The following ITFG2 variants were observed in gnomAD, a reference collection of about 807,000 sequenced individuals.
ITFG2 encodes KICSTOR complex protein ITFG2.
In ITFG2, 36 loss-of-function variants were observed where a neutral mutation model predicts 54.4. That is an observed-to-expected ratio of 0.66 (90% confidence interval 0.51 to 0.87). The LOEUF (loss-of-function observed/expected upper bound fraction) is 0.87. Among genes scored for constraint, ITFG2 ranks in the 40% least tolerant of loss-of-function variants. The pLI is 0.00. For missense variants in ITFG2, 524 were observed against 576.7 expected (o/e 0.91, Z 0.94); for synonymous variants, 211 against 225.4 (o/e 0.94, Z 0.57).
intron 2 of ITFG2, among the ~76,000 whole-genome samples, chr12:2,841,276 A>G (rs961591656): frequency 5.9e-5 from 9 of 152,240 alleles, no homozygotes; most frequent in African/African-American, 2.2e-4. Flanking sequence ...TTAGGCTGCC[A>G]GACCCTGGGT....
intron 2 of ITFG2, among the ~76,000 whole-genome samples, chr12:2,851,975 G>A (rs893266488): frequency 2.0e-5 from 3 of 152,176 alleles, no homozygotes; most frequent in Admixed American, 6.5e-5. Flanking sequence ...CACCATTCCC[G>A]GTCCACTAAA....
chr12:2,822,949 T>C (rs1565417390), intron 10 of ITFG2, 38 bp downstream of exon 10: 1 of 1,478,202 alleles, frequency 6.8e-7, no homozygotes. Flanking sequence ...TAACCACACT[T>C]AAGTTAGATA....
At chr12:2,835,670 C>T (rs1172814519), upstream of ITFG2, 2 of 152,306 alleles carry the variant, frequency 1.3e-5, no homozygotes, top group East Asian at 3.9e-4. Flanking sequence ...AAAAATGTTG[C>T]ATTTCAAATA....
intron 2 of ITFG2, among the ~76,000 whole-genome samples, chr12:2,855,936 C>A (rs990040047): frequency 1.6e-4 from 24 of 152,100 alleles, no homozygotes; most frequent in African/African-American, 5.8e-4. Context: ...CCATCCCAGA[C>A]TCCTCTCAAT....
intron 1 of ITFG2, among the ~76,000 whole-genome samples, chr12:2,816,643 T>C (rs1421368504): frequency 8.8e-5 from 13 of 147,692 alleles, no homozygotes; most frequent in East Asian, 3.9e-4. Flanking sequence ...TTTCTTTTTT[T>C]TTTTTTTTTT....
At chr12:2,818,685 T>C (rs907777646) in intron 4 of ITFG2, 1 of 248,202 alleles carries the variant, frequency 4.0e-6, no homozygotes, top group African/African-American at 2.3e-5. Flanking sequence ...AAAGAAAAAC[T>C]ATACATTTTG....
intron 2 of ITFG2, chr12:2,848,981 C>T: frequency 6.0e-6 from 3 of 501,284 alleles, no homozygotes; most frequent in Non-Finnish European, 1.1e-5. Context: ...TCTACCCAGC[C>T]TCCTGGCCGC....
At chr12:2,817,775 A>G in intron 2 of ITFG2, 134 bp from the exon 3 acceptor site, 1 of 801,962 alleles carries the variant, frequency 1.2e-6, no homozygotes. Context: ...AAAGACCATC[A>G]CCATGGTTCA....
chr12:2,815,785 C>A (rs965456983), intron 1 of ITFG2, among the ~76,000 whole-genome samples: 1 of 152,188 alleles, frequency 6.6e-6, no homozygotes, highest in Non-Finnish European at 1.5e-5. Flanking sequence ...ATTCCTGTAA[C>A]CTCTCCTGCC....
upstream of ITFG2, among the ~76,000 whole-genome samples, chr12:2,834,419 G>A (rs1285956445): frequency 1.3e-5 from 2 of 152,160 alleles, no homozygotes; most frequent in African/African-American, 2.4e-5. Flanking sequence ...GAGGAAAAAG[G>A]GAAGCCAAGC....
intron 1 of ITFG2, among the ~76,000 whole-genome samples, chr12:2,813,411 G>A (rs1009051175): frequency 6.6e-6 from 1 of 152,140 alleles, no homozygotes; most frequent in Non-Finnish European, 1.5e-5. Flanking sequence ...CTGTTTTTCT[G>A]CAAATCTTTA....
chr12:2,830,939 C>A (rs2097998843), downstream of ITFG2: 6 of 1,479,302 alleles, frequency 4.1e-6, no homozygotes, highest in South Asian at 1.3e-5. Context: ...CACTTAGATA[C>A]CCCAGGATGC....
intron 2 of ITFG2, chr12:2,857,671 C>T (rs1688135197): frequency 6.5e-6 from 1 of 152,846 alleles, no homozygotes; most frequent in South Asian, 2.0e-4. Context: ...CAATAAACCA[C>T]AGAGCCCAGC....
intron 1 of ITFG2, among the ~76,000 whole-genome samples, chr12:2,837,715 A>G (rs898131805): frequency 2.0e-5 from 3 of 151,990 alleles, no homozygotes; most frequent in African/African-American, 7.2e-5. Flanking sequence ...TATAGTCTCA[A>G]CTACTCAGGA....
downstream of ITFG2, chr12:2,827,086 G>A: frequency 2.0e-6 from 3 of 1,532,388 alleles, no homozygotes; most frequent in South Asian, 3.7e-5. The surrounding 1 kb of genome is among the most constrained non-coding windows in gnomAD (Gnocchi z 4.0). Flanking sequence ...AGGGGTCAGG[G>A]AGGTGATTGG....
At chr12:2,819,596 A>G (rs960545480) in intron 4 of ITFG2, 7 of 151,958 alleles carry the variant, frequency 4.6e-5, no homozygotes, top group African/African-American at 1.5e-4. Context: ...GTGCCACTGC[A>G]CTCCAGCCTG....
chr12:2,846,445 G>GCCCAGGC (rs2098053567), intron 2 of ITFG2, among the ~76,000 whole-genome samples: 1 of 152,106 alleles, frequency 6.6e-6, no homozygotes, highest in Admixed American at 6.5e-5. Context: ...GCAGATGGTA[G>GCCCAGGC]CCCAGGCCTT....
chr12:2,821,703 C>T lies in ITFG2; in HGVS notation c.859C>T (p.Leu287Phe), dbSNP rs1432489718. The change falls in exon 9 of 12, where the codon CTC (leucine) becomes TTC (phenylalanine). Residue 287 changes from leucine (L) to phenylalanine (F), a missense_variant. Transcript: ENST00000228799. ...ALCTLDGTLK[L>F]MEEMEEADKL... ...CTCTCCCCCGGCAGGGACACTGAAG[C>T]TCATGGAAGAAATGGAAGAAGCAGA... The T allele has an allele frequency of 1.2e-6, 2 of 1,613,976 alleles. No homozygotes were observed. The highest frequency in any genetic ancestry group is 1.7e-6 in the Non-Finnish European group (2 of 1,180,008).
chr12:2,835,366 C>A, upstream of ITFG2: 1 of 325,198 alleles, frequency 3.1e-6, no homozygotes, highest in Non-Finnish European at 4.5e-6. Context: ...CCAGGACTGC[C>A]CAGCTGTTTT....
Sources: gnomAD v4.1 joint callset for allele counts (sites outside exome capture counted in the v4.1 genomes callset) on GRCh38, gnomAD v4.1.1 for gene constraint, Gnocchi (gnomAD v3.1) non-coding constraint, MANE v1.5 for transcripts, NCBI Gene and HGNC (gene_info 2026-07-23, HGNC 2026-07-21) for gene names.